MARCHF1: variants seen among roughly 807,000 people sequenced by gnomAD.
The protein encoded by MARCHF1 is E3 ubiquitin-protein ligase MARCHF1.
Under a neutral mutation model 54.2 loss-of-function variants are expected in MARCHF1, and 40 were observed. The observed-to-expected ratio is 0.74, with a 90% CI of 0.57 to 0.96. The LOEUF (loss-of-function observed/expected upper bound fraction) is 0.96, where lower values mean the gene tolerates loss of function less well. Among genes scored for constraint, MARCHF1 ranks in the 40% least tolerant of loss-of-function variants. The pLI, the probability that MARCHF1 is intolerant of heterozygous loss-of-function variation, is 0.00. For missense variants in MARCHF1, 586 were observed against 656.5 expected (o/e 0.89, Z 1.17); for synonymous variants, 236 against 236.3 (o/e 1.00, Z 0.01).
At chr4:163,893,774 T>C (rs573075372) in intron 3 of MARCHF1, among the ~76,000 whole-genome samples, 1 of 152,274 alleles carries the variant, frequency 6.6e-6, no homozygotes, top group African/African-American at 2.4e-5. Flanking sequence ...AAAGTAAAGA[T>C]GAAGAGACAT....
intron 1 of MARCHF1, among the ~76,000 whole-genome samples, chr4:164,150,229 G>A (rs1383331290): frequency 6.6e-6 from 1 of 152,106 alleles, no homozygotes; most frequent in Non-Finnish European, 1.5e-5. Flanking sequence ...AGATAATAAT[G>A]AATTTCAAGT....
chr4:163,622,125 CA>C (rs1306660435), intron 5 of MARCHF1, among the ~76,000 whole-genome samples: 1 of 151,882 alleles, frequency 6.6e-6, no homozygotes, highest in Non-Finnish European at 1.5e-5. Context: ...GGGAAGTAAC[CA>C]GGGGTCACCA....
chr4:163,636,683 C>T (rs375828900), intron 5 of MARCHF1, among the ~76,000 whole-genome samples: 2 of 151,974 alleles, frequency 1.3e-5, no homozygotes, highest in African/African-American at 2.4e-5. Context: ...AGGTAATTTA[C>T]AGATTCAATG....
chr4:163,744,471 CA>C (rs1746299237), intron 4 of MARCHF1, among the ~76,000 whole-genome samples: 1 of 152,144 alleles, frequency 6.6e-6, no homozygotes, highest in East Asian at 1.9e-4. Context: ...ATTTTTGAGT[CA>C]ATCGGAATTT....
chr4:163,629,249 G>A (rs976104620), intron 5 of MARCHF1, among the ~76,000 whole-genome samples: 36 of 152,050 alleles, frequency 2.4e-4, no homozygotes, highest in Middle Eastern at 6.8e-3. Context: ...CAGAAATAAC[G>A]CCACACATCT....
intron 3 of MARCHF1, among the ~76,000 whole-genome samples, chr4:163,979,037 A>G (rs1266191653): frequency 4.6e-5 from 3 of 65,054 alleles, no homozygotes; most frequent in South Asian, 8.9e-4. Flanking sequence ...TTTTTTTTTT[A>G]TACTTTAAGT....
chr4:163,722,409 T>C (rs1745503029), intron 4 of MARCHF1, among the ~76,000 whole-genome samples: 1 of 152,196 alleles, frequency 6.6e-6, no homozygotes, highest in African/African-American at 2.4e-5. Flanking sequence ...TTGTTATAAT[T>C]TCTGTTCTTT....
intron 2 of MARCHF1, among the ~76,000 whole-genome samples, chr4:164,100,301 T>A (rs931622344): frequency 6.6e-6 from 1 of 152,230 alleles, no homozygotes; most frequent in Non-Finnish European, 1.5e-5. Context: ...TCTAAACTCA[T>A]TAAGAGAGTC....
rs117231744 is a variant in MARCHF1, at chr4:163,862,511, A to G, written c.-38-8342T>C. ...CAAATTAAAACAACGAGATGCCACT[A>G]CATACCTATTAGAGTGGCTAAAATG... On this transcript the variant is annotated intron_variant, in intron 3 of 9. Coordinates refer to ENST00000514618, the MANE Select transcript of MARCHF1 (RefSeq NM_001394959.1). 3.3e-5 allele frequency among the ~76,000 whole-genome samples: 5 copies of G among 152,236 alleles called. No individual in the cohort carries two copies. The East Asian group carries it at 7.7e-4, about 23-fold the overall frequency.
chr4:164,193,393 G>C (rs1464288580), intron 1 of MARCHF1, among the ~76,000 whole-genome samples: 1 of 151,770 alleles, frequency 6.6e-6, no homozygotes, highest in Admixed American at 6.6e-5. Context: ...GTTGATTTGC[G>C]AGCTATGCTC....
intron 4 of MARCHF1, among the ~76,000 whole-genome samples, chr4:163,701,285 T>C (rs187775705): frequency 6.6e-6 from 1 of 152,194 alleles, no homozygotes; most frequent in Non-Finnish European, 1.5e-5. Context: ...ATATGCTATA[T>C]ACATCCACCT....
chr4:163,803,247 C>T (rs891826327), intron 4 of MARCHF1, among the ~76,000 whole-genome samples: 2 of 152,104 alleles, frequency 1.3e-5, no homozygotes, highest in African/African-American at 4.8e-5. Context: ...GATCTCAGCT[C>T]ACTGCAACCT....
intron 1 of MARCHF1, among the ~76,000 whole-genome samples, chr4:164,222,638 G>A (rs961207567): frequency 2.6e-5 from 4 of 151,730 alleles, no homozygotes; most frequent in African/African-American, 4.8e-5. Context: ...TGGAGAGAGG[G>A]AACCAGGAAG....
intron 1 of MARCHF1, among the ~76,000 whole-genome samples, chr4:164,130,943 T>C (rs1240755302): frequency 6.6e-6 from 1 of 152,202 alleles, no homozygotes; most frequent in Admixed American, 6.6e-5. Context: ...AGACATCTTT[T>C]ACATTGATAA....
At chr4:163,870,642 A>G (rs1048798929) in intron 3 of MARCHF1, among the ~76,000 whole-genome samples, 1 of 152,136 alleles carries the variant, frequency 6.6e-6, no homozygotes, top group African/African-American at 2.4e-5. Flanking sequence ...GCTTAGAGAA[A>G]GATTAGGATG....
At chr4:163,845,709 T>G (rs185800515) in intron 4 of MARCHF1, among the ~76,000 whole-genome samples, 3 of 152,310 alleles carry the variant, frequency 2.0e-5, no homozygotes. Context: ...AAAGAGCAGC[T>G]GTGAACATGA....
intron 2 of MARCHF1, among the ~76,000 whole-genome samples, chr4:164,084,334 T>C (rs990286645): frequency 7.2e-5 from 11 of 151,874 alleles, no homozygotes; most frequent in African/African-American, 2.2e-4. Flanking sequence ...ACCAATTCAT[T>C]TCTTGAATAT....
chr4:164,197,807 C>A (rs1731324144), intron 1 of MARCHF1: 1 of 1,577,720 alleles, frequency 6.3e-7, no homozygotes, highest in South Asian at 1.1e-5. Context: ...TTTGAAGACT[C>A]AACCAGCTCC....
rs1481034685 is a variant in MARCHF1 at position 163,898,830 on chromosome 4, A to G, written c.-38-44661T>C. Among the ~76,000 whole-genome samples, 4 of 152,222 alleles carry G rather than the reference A, an allele frequency of 2.6e-5. No individual in the cohort carries two copies. In the East Asian group the frequency reaches 7.7e-4, roughly 29 times the overall value. ...ACTGGATAAAGAAAATGCGGTATAT[A>G]TACACCTTGGAGTATTTACGTAACC... On this transcript the variant is annotated intron_variant, in intron 3 of 9. Coordinates refer to ENST00000514618, the MANE Select transcript of MARCHF1 (RefSeq NM_001394959.1).
Sources: allele counts gnomAD v4.1 joint callset (sites outside exome capture counted in the v4.1 genomes callset), GRCh38; gene constraint gnomAD v4.1.1; transcripts MANE v1.5; gene names NCBI Gene and HGNC (gene_info 2026-07-23, HGNC 2026-07-21).